Variants in ST3GAL4 observed in about 807,000 individuals in gnomAD.
ST3GAL4 encodes ST3 beta-galactoside alpha-2,3-sialyltransferase 4, also known as CMP-N-acetylneuraminate-beta-galactosamide-alpha-2,3-sialyltransferase 4.
ST3GAL4 carries 24 observed loss-of-function variants against 42.6 expected under a neutral mutation model. The ratio of observed to expected loss-of-function variants is 0.56; its 90% CI spans 0.41 to 0.79. The LOEUF (loss-of-function observed/expected upper bound fraction) is 0.79. ST3GAL4 is among the 30% of genes least tolerant of loss of function. ST3GAL4 has a pLI of 0.00. For synonymous variants in ST3GAL4, 135 were observed against 163.2 expected, an observed-to-expected ratio of 0.83 and a Z score of 1.32; for missense variants, 311 against 430.8, an observed-to-expected ratio of 0.72 and a Z score of 2.46.
chr11:126,386,512 G>A lies in ST3GAL4; in HGVS notation c.-60-19584G>A, dbSNP rs1193417365. On this transcript the variant is annotated intron_variant, in intron 1 of 10. Transcript: ENST00000444328. The surrounding 1 kb of genome is among the most constrained non-coding windows in gnomAD (Gnocchi z 4.7). The stretch of plus-strand genomic sequence containing the variant: ...TCTGTGGAACAAGTAGGGAAGGAGT[G>A]ATGTGACCTCTGTGGCTCTCCTGGG... 2.0e-5 allele frequency among the ~76,000 whole-genome samples: 3 copies of A among 152,168 alleles called. No homozygotes were observed. Among genetic ancestry groups the A allele is most frequent in the Admixed American group, 1.3e-4 (2 of 15,282 alleles).
In ST3GAL4 at chr11:126,364,623, G is replaced by T. The variant is rs1952363535; in HGVS notation, c.-61+8781G>T. 1.4e-5 allele frequency among the ~76,000 whole-genome samples: 2 copies of T among 144,752 alleles called. 1 individual carries two copies. Among genetic ancestry groups the T allele is most frequent in the East Asian group, 4.5e-4 (2 of 4,456 alleles). The allele number at this position is 144,752 out of a possible 152,430, so 95.0% of individuals were successfully genotyped here. On this transcript the variant is annotated intron_variant, in intron 1 of 10. Transcript: ENST00000444328. Reference sequence around the variant, plus strand: ...TAACTGAATAAATGCCATTAAAAGGGGAATCCATTTCCTCCCTCACTCCTG... The same window carrying T: ...TAACTGAATAAATGCCATTAAAAGGTGAATCCATTTCCTCCCTCACTCCTG...
chr11:126,356,530 C>A (rs185077671), intron 1 of ST3GAL4, among the ~76,000 whole-genome samples: 1 of 152,232 alleles, frequency 6.6e-6, no homozygotes, highest in Non-Finnish European at 1.5e-5. Context: ...CAGCACTGCC[C>A]CTCCATTCCC....
intron 1 of ST3GAL4, among the ~76,000 whole-genome samples, chr11:126,374,454 CAAAAAAA>C (rs869295718): frequency 2.7e-4 from 17 of 63,208 alleles, no homozygotes; most frequent in African/African-American, 7.1e-4. Context: ...ACTTTGTCTC[CAAAAAAA>C]AAAAAAAAAA....
rs1332228827 is a variant in ST3GAL4 at position 126,386,881 on chromosome 11, A to G, written c.-60-19215A>G. Among the ~76,000 whole-genome samples the G allele has an allele frequency of 6.6e-6, 1 of 152,112 alleles. No individual in the cohort carries two copies. ...TCTCTACAGCACTTTCCTGTAAATT[A>G]GGAACGGTAACACACACACCCCTCC... On this transcript the variant is annotated intron_variant, in intron 1 of 10. Coordinates refer to ENST00000444328, the MANE Select transcript of ST3GAL4 (RefSeq NM_001254757.2). The surrounding 1 kb of genome is among the most constrained non-coding windows in gnomAD (Gnocchi z 4.7).
Position 126,406,330 on chromosome 11 carries a change from C to G in ST3GAL4, c.17-143C>G, listed in dbSNP as rs968448811. On this transcript the variant is annotated intron_variant, in intron 2 of 10. Coordinates refer to ENST00000444328, the MANE Select transcript of ST3GAL4 (RefSeq NM_001254757.2). This position sits in a 1 kb window ranked among gnomAD's most constrained non-coding sequence, Gnocchi z 5.4. ...CAGTGGGTACAATCAGGGTCAAGCCCTCAGCCAGGGCCAGGAGAGGGCCAG... is the reference window on the plus strand; with the variant it reads ...CAGTGGGTACAATCAGGGTCAAGCCGTCAGCCAGGGCCAGGAGAGGGCCAG... 6.5e-7 allele frequency: 1 copy of G among 1,541,422 alleles called. No homozygotes were observed.
At chr11:126,367,039 G>A (rs1227241412) in intron 1 of ST3GAL4, among the ~76,000 whole-genome samples, 5 of 152,114 alleles carry the variant, frequency 3.3e-5, no homozygotes, top group South Asian at 2.1e-4. Flanking sequence ...CTGCTCAGGT[G>A]TGGGGGGCCT....
chr11:126,375,032 T>C (rs1289205282), intron 1 of ST3GAL4: 7 of 151,944 alleles, frequency 4.6e-5, no homozygotes, highest in African/African-American at 1.7e-4. Flanking sequence ...CTGTGGAATG[T>C]GTGGAAGCAG....
chr11:126,385,362 C>CAGG (rs1953186940), intron 1 of ST3GAL4, among the ~76,000 whole-genome samples: 5 of 151,992 alleles, frequency 3.3e-5, no homozygotes, highest in Admixed American at 1.3e-4. Flanking sequence ...CTGTGTTAGC[C>CAGG]AGGATGGTCT....
rs1954249030 is a variant in ST3GAL4, at chr11:126,406,710, T to C, written c.101+153T>C. The C allele has an allele frequency of 1.2e-6, 1 of 830,200 alleles. No individual in the cohort carries two copies. The highest frequency in any genetic ancestry group is 1.8e-5 in the African/African-American group (1 of 55,190). 51.4% of individuals were successfully genotyped at this position (830,200 alleles called of 1,614,324 possible). On this transcript the variant is annotated intron_variant, in intron 3 of 10. Coordinates refer to ENST00000444328, the MANE Select transcript of ST3GAL4 (RefSeq NM_001254757.2). The surrounding 1 kb of genome is among the most constrained non-coding windows in gnomAD (Gnocchi z 5.4). ...CAGCTGCTGGTACGGAGTGTTTCCA[T>C]GAGGGTGGGTGGGGGTAGGGCCTGG...
At chr11:126,361,827 T>A (rs1952253973) in intron 1 of ST3GAL4, among the ~76,000 whole-genome samples, 1 of 151,958 alleles carries the variant, frequency 6.6e-6, no homozygotes, top group Non-Finnish European at 1.5e-5. Flanking sequence ...TGGCCTTGGA[T>A]ACAGCTTGCA....
At chr11:126,367,665 G>C (rs1481304201) in intron 1 of ST3GAL4, among the ~76,000 whole-genome samples, 1 of 152,210 alleles carries the variant, frequency 6.6e-6, no homozygotes, top group Admixed American at 6.5e-5. Context: ...CGAGGACTCT[G>C]AAGATCTGAG....
In ST3GAL4 at chr11:126,378,075, A is replaced by T. The variant is rs1473040680; in HGVS notation, c.-61+22233A>T. On this transcript the variant is annotated intron_variant, in intron 1 of 10. Coordinates refer to ENST00000444328, the MANE Select transcript of ST3GAL4 (RefSeq NM_001254757.2). This position sits in a 1 kb window ranked among gnomAD's most constrained non-coding sequence, Gnocchi z 5.3. The stretch of plus-strand genomic sequence containing the variant: ...TTTGTGAGGGGTCACTTTATGTACA[A>T]ATGACTCTAAGGATTTGTATGGCAA... 6.6e-6 allele frequency among the ~76,000 whole-genome samples: 1 copy of T among 152,168 alleles called. No homozygotes were observed. The highest frequency in any genetic ancestry group is 1.5e-5 in the Non-Finnish European group (1 of 68,040).
chr11:126,389,951 A>T (rs1953412547), intron 1 of ST3GAL4, among the ~76,000 whole-genome samples: 1 of 149,530 alleles, frequency 6.7e-6, no homozygotes, highest in Non-Finnish European at 1.5e-5. Context: ...AGGCGGGTGA[A>T]TCACGAGGTC....
chr11:126,359,502 A>G lies in ST3GAL4; in HGVS notation c.-61+3660A>G, dbSNP rs1267763680. Among the ~76,000 whole-genome samples, 1 of 152,160 alleles carries G rather than the reference A, an allele frequency of 6.6e-6. No individual in the cohort carries two copies. The highest frequency in any genetic ancestry group is 1.5e-5 in the Non-Finnish European group (1 of 68,032). ...ACCTTCACTTTTCAGCCCAGTTCTC[A>G]ACTGCCCCCTGGAGTTTGCTCATTT... On this transcript the variant is annotated intron_variant, in intron 1 of 10. Coordinates refer to ENST00000444328, the MANE Select transcript of ST3GAL4 (RefSeq NM_001254757.2). The surrounding 1 kb of genome is among the most constrained non-coding windows in gnomAD (Gnocchi z 4.8).
At chr11:126,404,222 G>A (rs1954132075) in intron 1 of ST3GAL4, among the ~76,000 whole-genome samples, 1 of 152,210 alleles carries the variant, frequency 6.6e-6, no homozygotes, top group African/African-American at 2.4e-5. Flanking sequence ...GAATCCACTT[G>A]TCTGGGCTCT....
intron 9 of ST3GAL4, 87 bp from the exon 10 acceptor site, chr11:126,413,418 G>T (rs1954616321): frequency 1.3e-6 from 2 of 1,525,452 alleles, no homozygotes; most frequent in African/African-American, 2.7e-5. Context: ...TTCCGTGACT[G>T]CAGGAAGTTC....
Position 126,376,591 on chromosome 11 carries a change from A to C in ST3GAL4, c.-61+20749A>C, listed in dbSNP as rs79298045. ...CATAAATAACCCCAGTTAAGATTTG[A>C]TTATGCTGTCTTTTAAGCAAGGTTA... On this transcript the variant is annotated intron_variant, in intron 1 of 10. Transcript: ENST00000444328. The surrounding 1 kb of genome is among the most constrained non-coding windows in gnomAD (Gnocchi z 5.1). 0.018 allele frequency among the ~76,000 whole-genome samples: 2,741 copies of C among 152,292 alleles called. 88 individuals are homozygous for C. Among genetic ancestry groups the C allele is most frequent in the African/African-American group, 0.061 (2,529 of 41,558 alleles).
In ST3GAL4 at chr11:126,410,090, G is replaced by A. The variant is rs1054702642; in HGVS notation, c.771+679G>A. On this transcript the variant is annotated intron_variant, in intron 9 of 10. Transcript: ENST00000444328. The surrounding 1 kb of genome is among the most constrained non-coding windows in gnomAD (Gnocchi z 5.3). ...TGGCTAATTTTTAAATTTTTTTGTA[G>A]AGATGGGGGTCTCACTGTGTTGCCC... Among the ~76,000 whole-genome samples, 5 of 152,116 alleles carry A rather than the reference G, an allele frequency of 3.3e-5. No individual in the cohort carries two copies. In the South Asian group the frequency reaches 8.3e-4, roughly 25 times the overall value.
chr11:126,395,991 T>TGG (rs1201515781), intron 1 of ST3GAL4, among the ~76,000 whole-genome samples: 1 of 150,788 alleles, frequency 6.6e-6, no homozygotes, highest in African/African-American at 2.5e-5. Context: ...GAAGAGTCCA[T>TGG]GGGGTTTTGG....
Sources: allele counts gnomAD v4.1 joint callset (sites outside exome capture counted in the v4.1 genomes callset), GRCh38; gene constraint gnomAD v4.1.1; non-coding constraint Gnocchi (gnomAD v3.1); transcripts MANE v1.5; gene names NCBI Gene and HGNC (gene_info 2026-07-23, HGNC 2026-07-21).